The following RBMS3 variants were observed in gnomAD, a reference collection of about 807,000 sequenced individuals.
RBMS3 encodes the protein RNA-binding motif, single-stranded-interacting protein 3.
A neutral mutation model predicts 66.8 loss-of-function variants in RBMS3; 27 were observed. That is an observed-to-expected ratio of 0.40 (90% confidence interval 0.30 to 0.56). RBMS3 has a LOEUF of 0.56. Ranked by LOEUF, RBMS3 falls within the 20% of genes least tolerant of loss-of-function variation. The pLI, the probability that RBMS3 is intolerant of heterozygous loss-of-function variation, is 0.40. For synonymous variants in RBMS3, 188 were observed against 183.0 expected (o/e 1.03, Z -0.22); for missense variants, 513 against 549.5 (o/e 0.93, Z 0.66).
intron 4 of RBMS3, among the ~76,000 whole-genome samples, chr3:29,625,821 C>T (rs887016719): frequency 1.3e-5 from 2 of 152,116 alleles, no homozygotes; most frequent in Admixed American, 1.3e-4. Context: ...GGCCAGTAAT[C>T]TCTGCTTAAT....
chr3:29,787,832 C>T (rs563772594), intron 6 of RBMS3, among the ~76,000 whole-genome samples: 4 of 152,062 alleles, frequency 2.6e-5, no homozygotes, highest in African/African-American at 9.6e-5. Context: ...CCAAAACCTA[C>T]TGAAATTAAA....
intron 6 of RBMS3, among the ~76,000 whole-genome samples, chr3:29,787,964 A>T (rs1305556842): frequency 1.3e-5 from 2 of 152,178 alleles, no homozygotes; most frequent in African/African-American, 4.8e-5. Flanking sequence ...TTGAGTTGGT[A>T]ATATGTGCAG....
chr3:29,295,338 TATATATAC>T (rs1212366088), intron 1 of RBMS3, among the ~76,000 whole-genome samples: 24 of 144,134 alleles, frequency 1.7e-4, no homozygotes, highest in South Asian at 8.8e-4. Flanking sequence ...CACACACATA[TATATATAC>T]ATATATATAT....
chr3:29,296,807 G>T (rs1225477885), intron 1 of RBMS3, among the ~76,000 whole-genome samples: 2 of 151,200 alleles, frequency 1.3e-5, no homozygotes, highest in South Asian at 2.1e-4. Context: ...ATCTTTCCAA[G>T]TTTGATGGCC....
intron 1 of RBMS3, among the ~76,000 whole-genome samples, chr3:29,340,093 T>C (rs2036193457): frequency 6.6e-6 from 1 of 152,152 alleles, no homozygotes; most frequent in South Asian, 2.1e-4. Flanking sequence ...TAGATCAAAG[T>C]AATGTCAAGC....
intron 12 of RBMS3, among the ~76,000 whole-genome samples, chr3:29,977,548 A>G (rs147789378): frequency 3.9e-4 from 59 of 152,188 alleles, no homozygotes; most frequent in Non-Finnish European, 7.1e-4. Flanking sequence ...TTCACACAAC[A>G]CCGTGGTGAT....
At chr3:29,909,219 C>T (rs574972320) in intron 10 of RBMS3, among the ~76,000 whole-genome samples, 1 of 152,026 alleles carries the variant, frequency 6.6e-6, no homozygotes, top group Admixed American at 6.6e-5. Flanking sequence ...TCAAATCTGG[C>T]AGACTTTCCT....
At chr3:29,995,802 A>T (rs1426602212) in intron 14 of RBMS3, among the ~76,000 whole-genome samples, 1 of 152,258 alleles carries the variant, frequency 6.6e-6, no homozygotes, top group South Asian at 2.1e-4. Flanking sequence ...GGTACCAGCC[A>T]CTGCAAAATC....
chr3:29,809,890 GTAA>G (rs1477832190), intron 6 of RBMS3, among the ~76,000 whole-genome samples: 4 of 152,150 alleles, frequency 2.6e-5, no homozygotes, highest in Admixed American at 2.6e-4. Flanking sequence ...TCTGTTTCAA[GTAA>G]AAATTCTGTT....
At chr3:29,541,166 G>C (rs2045741242) in intron 3 of RBMS3, among the ~76,000 whole-genome samples, 1 of 152,134 alleles carries the variant, frequency 6.6e-6, no homozygotes, top group Non-Finnish European at 1.5e-5. Flanking sequence ...TATAAAATAT[G>C]ACTTTAAATG....
At chr3:29,548,085 A>G (rs1167754345) in intron 3 of RBMS3, among the ~76,000 whole-genome samples, 1 of 152,110 alleles carries the variant, frequency 6.6e-6, no homozygotes, top group Non-Finnish European at 1.5e-5. Flanking sequence ...GGTGTGAGCC[A>G]CAGCACTAAG....
At chr3:29,754,653 T>C (rs191311518) in intron 5 of RBMS3, among the ~76,000 whole-genome samples, 109 of 152,294 alleles carry the variant, frequency 7.2e-4, no homozygotes, top group African/African-American at 2.5e-3. Flanking sequence ...ACAGAGATTA[T>C]ATGAGCTCAA....
At chr3:29,745,723 G>A (rs969825596) in intron 5 of RBMS3, among the ~76,000 whole-genome samples, 8 of 152,126 alleles carry the variant, frequency 5.3e-5, no homozygotes, top group Admixed American at 3.9e-4. Context: ...ACTGAACAGA[G>A]AGACCTTTGT....
chr3:29,880,629 G>A (rs1313912638), intron 7 of RBMS3: 1 of 665,614 alleles, frequency 1.5e-6, no homozygotes, highest in Non-Finnish European at 2.6e-6. Flanking sequence ...TGGAAACCAG[G>A]TGTATCCAAG....
At chr3:29,837,671 TATATATATATATA>T (rs2058553068) in intron 6 of RBMS3, among the ~76,000 whole-genome samples, 1 of 52,876 alleles carries the variant, frequency 1.9e-5, no homozygotes, top group Non-Finnish European at 4.1e-5. Flanking sequence ...AACATATATA[TATATATATATATA>T]TATATATATA....
Position 29,867,805 on chromosome 3 carries a change from C to A in RBMS3, c.638-1053C>A, listed in dbSNP as rs181016561. Among the ~76,000 whole-genome samples the A allele has an allele frequency of 3.5e-3, 531 of 151,764 alleles. 5 individuals are homozygous for A. The highest frequency in any genetic ancestry group is 0.012 in the African/African-American group (513 of 41,380). On this transcript the variant is annotated intron_variant, in intron 6 of 14. Transcript: ENST00000383767. ...AATTAGGGCCTTTAGTATCATTAAT[C>A]TTTAGTAAAACATACTTTTCCTAAT...
chr3:29,835,299 A>G (rs1293099032), intron 6 of RBMS3, among the ~76,000 whole-genome samples: 1 of 152,004 alleles, frequency 6.6e-6, no homozygotes, highest in Non-Finnish European at 1.5e-5. Context: ...TAGCAGACAT[A>G]CAAAAGACTC....
intron 4 of RBMS3, among the ~76,000 whole-genome samples, chr3:29,661,198 G>C (rs2050533062): frequency 6.6e-6 from 1 of 152,142 alleles, no homozygotes; most frequent in Admixed American, 6.5e-5. Flanking sequence ...ACATACTTCA[G>C]AGTTACAAAA....
intron 12 of RBMS3, among the ~76,000 whole-genome samples, chr3:29,947,957 G>A (rs1353414366): frequency 6.6e-6 from 1 of 151,030 alleles, no homozygotes; most frequent in Admixed American, 6.6e-5. Context: ...TTTGAACCTA[G>A]GTTTGAAAAA....
Sources: allele counts gnomAD v4.1 joint callset (sites outside exome capture counted in the v4.1 genomes callset), GRCh38; gene constraint gnomAD v4.1.1; transcripts MANE v1.5; gene names NCBI Gene and HGNC (gene_info 2026-07-23, HGNC 2026-07-21).